Variants in KCNQ3 observed in about 807,000 individuals in gnomAD.
KCNQ3 encodes potassium voltage-gated channel subfamily Q member 3.
In KCNQ3, 30 loss-of-function variants were observed where a neutral mutation model predicts 92.5. The observed-to-expected ratio is 0.32, with a 90% CI of 0.24 to 0.44. KCNQ3 has a LOEUF of 0.44. Among genes scored for constraint, KCNQ3 ranks in the 20% least tolerant of loss-of-function variants. The probability of loss-of-function intolerance (pLI) is 1.00; values close to 1 mark genes in which losing one functional copy is unlikely to be tolerated. For missense variants in KCNQ3, 913 were observed against 1,140.3 expected, an observed-to-expected ratio of 0.80 and a Z score of 2.87; for synonymous variants, 450 against 468.8, an observed-to-expected ratio of 0.96 and a Z score of 0.52.
At chr8:132,302,712 G>A (rs776615531) in intron 1 of KCNQ3, among the ~76,000 whole-genome samples, 2 of 152,172 alleles carry the variant, frequency 1.3e-5, no homozygotes, top group South Asian at 2.1e-4. Context: ...CCTGGCACTC[G>A]ATTTTTTTCT....
chr8:132,300,477 T>C (rs1817180047), intron 1 of KCNQ3, among the ~76,000 whole-genome samples: 1 of 152,158 alleles, frequency 6.6e-6, no homozygotes, highest in African/African-American at 2.4e-5. Context: ...ATGTGGCACA[T>C]TTTAAAAACC....
In KCNQ3 at chr8:132,348,367, C is replaced by T. The variant is rs187328903; in HGVS notation, c.386+131780G>A. Among the ~76,000 whole-genome samples, 35 of 152,218 alleles carry T rather than the reference C, an allele frequency of 2.3e-4. No individual in the cohort carries two copies. The East Asian group carries it at 6.8e-3, about 29-fold the overall frequency. On this transcript the variant is annotated intron_variant, in intron 1 of 14. Transcript: ENST00000388996. ...ATAAGGGCTGTTAGAGATAATTTTT[C>T]ATGGGTGAAATAAATAGTATTTACA... is the stretch of plus-strand genomic sequence containing the variant.
At position 132,362,298 on chromosome 8, in the gene KCNQ3, G is replaced by A. The variant is rs149977368; in HGVS notation, c.386+117849C>T. Among the ~76,000 whole-genome samples the A allele has an allele frequency of 3.7e-3, 561 of 151,982 alleles. 2 individuals are homozygous for A. The highest frequency in any genetic ancestry group is 0.012 in the African/African-American group (516 of 41,414). On this transcript the variant is annotated intron_variant, in intron 1 of 14. Coordinates refer to ENST00000388996, the MANE Select transcript of KCNQ3 (RefSeq NM_004519.4). ...ATCTACCAAAAGATTCCAAACATGG[G>A]GTGTTATTTTTCTAAGAACGTCACA...
chr8:132,135,595 C>G (rs1825056208), intron 12 of KCNQ3, among the ~76,000 whole-genome samples: 1 of 152,102 alleles, frequency 6.6e-6, no homozygotes, highest in South Asian at 2.1e-4. Context: ...TAGTAAGTAG[C>G]AAAAACTATG....
chr8:132,480,374 G>A lies in KCNQ3; in HGVS notation c.159C>T (p.Val53=). 6.4e-7 allele frequency: 1 copy of A among 1,574,420 alleles called. No homozygotes were observed. Among genetic ancestry groups the A allele is most frequent in the Non-Finnish European group, 8.6e-7 (1 of 1,167,478 alleles). ...VGLAPGDVEQ[V]TLALGAGADK... ...CGGCTCCGGCCCCGAGCGCCAAGGT[G>A]ACTTGCTCCACGTCGCCGGGCGCCA... Residue 53 remains valine, a synonymous_variant, in exon 1 of 15, where the codon GTC becomes GTT. Transcript: ENST00000388996.
chr8:132,477,890 T>C (rs1303382973), intron 1 of KCNQ3, among the ~76,000 whole-genome samples: 1 of 152,188 alleles, frequency 6.6e-6, no homozygotes, highest in Non-Finnish European at 1.5e-5. Context: ...AACTGGAATC[T>C]TGGCTCAGAA....
intron 9 of KCNQ3, among the ~76,000 whole-genome samples, chr8:132,154,094 C>G (rs756160373): frequency 6.6e-6 from 1 of 151,126 alleles, no homozygotes; most frequent in Non-Finnish European, 1.5e-5. Context: ...ATCCTCCAAA[C>G]TGGGAAAAGT....
intron 1 of KCNQ3, among the ~76,000 whole-genome samples, chr8:132,192,170 G>A (rs375119024): frequency 4.8e-4 from 73 of 152,258 alleles, no homozygotes; most frequent in African/African-American, 1.7e-3. Flanking sequence ...CCATCCGCAG[G>A]GAGCCTGCGG....
chr8:132,376,622 G>A (rs569966218), intron 1 of KCNQ3, among the ~76,000 whole-genome samples: 39 of 152,328 alleles, frequency 2.6e-4, no homozygotes, highest in African/African-American at 9.1e-4. Flanking sequence ...AGACACTTAA[G>A]AGGTTGATCC....
At chr8:132,369,203 T>C (rs889540844) in intron 1 of KCNQ3, among the ~76,000 whole-genome samples, 2 of 152,198 alleles carry the variant, frequency 1.3e-5, no homozygotes, top group African/African-American at 4.8e-5. Flanking sequence ...ACTGTTGATG[T>C]TGACCTTGTT....
intron 10 of KCNQ3, 62 bp downstream of exon 10, chr8:132,141,067 A>G: frequency 6.8e-7 from 1 of 1,466,082 alleles, no homozygotes; most frequent in Non-Finnish European, 9.6e-7. Flanking sequence ...GAGGTGAGGA[A>G]GGAAGTGGAC....
chr8:132,303,580 G>C (rs199674408), intron 1 of KCNQ3, among the ~76,000 whole-genome samples: 1 of 17,232 alleles, frequency 5.8e-5, no homozygotes, highest in Admixed American at 1.0e-3. Context: ...ATATATATAT[G>C]GTGTGTGTGT....
chr8:132,384,598 G>T (rs967090297), intron 1 of KCNQ3, among the ~76,000 whole-genome samples: 1 of 152,144 alleles, frequency 6.6e-6, no homozygotes, highest in African/African-American at 2.4e-5. Flanking sequence ...CCTGTCAGCT[G>T]GTCATTCATG....
At chr8:132,358,683 C>T (rs1016437464) in intron 1 of KCNQ3, among the ~76,000 whole-genome samples, 3 of 126,398 alleles carry the variant, frequency 2.4e-5, no homozygotes, top group East Asian at 4.5e-4. Context: ...CAGCACTTCA[C>T]GTGGAATTCA....
chr8:132,336,640 C>T (rs1399175460), intron 1 of KCNQ3, among the ~76,000 whole-genome samples: 2 of 152,192 alleles, frequency 1.3e-5, no homozygotes, highest in Non-Finnish European at 2.9e-5. Context: ...CTAGCCAAGT[C>T]CCCCTGCCCC....
At chr8:132,201,102 TAACA>T (rs1442724026) in intron 1 of KCNQ3, among the ~76,000 whole-genome samples, 4 of 152,076 alleles carry the variant, frequency 2.6e-5, no homozygotes, top group Non-Finnish European at 5.9e-5. Flanking sequence ...ACTCTTGCAA[TAACA>T]AACAGACACC....
intron 1 of KCNQ3, among the ~76,000 whole-genome samples, chr8:132,198,208 G>A (rs960110282): frequency 5.3e-5 from 8 of 152,198 alleles, no homozygotes; most frequent in Admixed American, 3.9e-4. Context: ...AACCACAAAA[G>A]AAAGCTTGGA....
At chr8:132,396,101 G>A (rs757393874) in intron 1 of KCNQ3, among the ~76,000 whole-genome samples, 12 of 152,314 alleles carry the variant, frequency 7.9e-5, no homozygotes, top group South Asian at 6.2e-4. Flanking sequence ...AGGAGATGGC[G>A]CAGGAGAGGC....
At chr8:132,187,254 C>T (rs1209549707) in intron 1 of KCNQ3, 5 of 455,822 alleles carry the variant, frequency 1.1e-5, no homozygotes, top group Admixed American at 4.7e-5. Flanking sequence ...GCAGACGTTG[C>T]GCATACAGAG....
Sources: allele counts gnomAD v4.1 joint callset (sites outside exome capture counted in the v4.1 genomes callset), GRCh38; gene constraint gnomAD v4.1.1; transcripts MANE v1.5; gene names NCBI Gene and HGNC (gene_info 2026-07-23, HGNC 2026-07-21).